The following NKAIN2 variants were observed in gnomAD, a reference collection of about 807,000 sequenced individuals.
The protein encoded by NKAIN2 is sodium/potassium-transporting ATPase subunit beta-1-interacting protein 2.
Under a neutral mutation model 32.6 loss-of-function variants are expected in NKAIN2, and 14 were observed. The observed-to-expected ratio is 0.43, with a 90% CI of 0.28 to 0.67. NKAIN2 has a LOEUF of 0.67. Among genes scored for constraint, NKAIN2 ranks in the 30% least tolerant of loss-of-function variants. The pLI, the probability that NKAIN2 is intolerant of heterozygous loss-of-function variation, is 0.17. For missense variants in NKAIN2, 198 were observed against 258.3 expected (o/e 0.77, Z 1.60); for synonymous variants, 80 against 87.2 (o/e 0.92, Z 0.46).
At chr6:123,811,230 A>G (rs1207624419) in intron 1 of NKAIN2, among the ~76,000 whole-genome samples, 1 of 152,158 alleles carries the variant, frequency 6.6e-6, no homozygotes, top group African/African-American at 2.4e-5. Flanking sequence ...AGTTCTATTC[A>G]GAAGTTTAAA....
At chr6:124,471,235 T>C (rs1395295473) in intron 3 of NKAIN2, among the ~76,000 whole-genome samples, 3 of 152,188 alleles carry the variant, frequency 2.0e-5, no homozygotes, top group African/African-American at 7.2e-5. Flanking sequence ...TATTTTGTTT[T>C]TGGAATTTGA....
Position 124,044,861 on chromosome 6 carries a change from A to G in NKAIN2, c.55-238144A>G, listed in dbSNP as rs1301178902. On this transcript the variant is annotated intron_variant, in intron 1 of 6. Coordinates refer to ENST00000368417, the MANE Select transcript of NKAIN2 (RefSeq NM_001040214.3). ...GAATTTTCTTACTTGCAATAGAGAA[A>G]TAAAATCAGAAAACTTCTTTTTAAT... 2.6e-5 allele frequency among the ~76,000 whole-genome samples: 4 copies of G among 152,074 alleles called. No individual in the cohort carries two copies. In the East Asian group the frequency reaches 7.7e-4, roughly 29 times the overall value.
chr6:124,245,686 G>C (rs999237928), intron 1 of NKAIN2, among the ~76,000 whole-genome samples: 2 of 152,020 alleles, frequency 1.3e-5, no homozygotes, highest in Non-Finnish European at 1.5e-5. Flanking sequence ...GGAGTTGGAC[G>C]AACATTCTAT....
At chr6:124,125,163 T>C (rs1786096153) in intron 1 of NKAIN2, among the ~76,000 whole-genome samples, 1 of 152,172 alleles carries the variant, frequency 6.6e-6, no homozygotes, top group African/African-American at 2.4e-5. Context: ...TAAACAAATG[T>C]ATACAAGAGT....
intron 3 of NKAIN2, among the ~76,000 whole-genome samples, chr6:124,577,912 C>T (rs1284320841): frequency 6.6e-6 from 1 of 152,168 alleles, no homozygotes; most frequent in African/African-American, 2.4e-5. Flanking sequence ...CTGAGGCCCG[C>T]ATTCCAGGCC....
chr6:124,161,711 CAT>C (rs1451368531), intron 1 of NKAIN2, among the ~76,000 whole-genome samples: 2 of 152,054 alleles, frequency 1.3e-5, no homozygotes, highest in African/African-American at 4.8e-5. Context: ...TTTGATACCA[CAT>C]GTTCTCACTT....
intron 4 of NKAIN2, among the ~76,000 whole-genome samples, chr6:124,680,675 C>T (rs1356632384): frequency 1.3e-5 from 2 of 151,996 alleles, no homozygotes; most frequent in Non-Finnish European, 2.9e-5. Context: ...AAGGGAATTA[C>T]AAGACAGCCC....
At position 124,246,377 on chromosome 6, in the gene NKAIN2, A is replaced by G. The variant is rs73563736; in HGVS notation, c.55-36628A>G. Among the ~76,000 whole-genome samples the G allele has an allele frequency of 6.4e-3, 974 of 152,170 alleles. 11 individuals are homozygous for G. The highest frequency in any genetic ancestry group is 0.022 in the African/African-American group (904 of 41,548). On this transcript the variant is annotated intron_variant, in intron 1 of 6. Transcript: ENST00000368417. ...ACCCAACTTGACTCACATCAGCATC[A>G]GTGACCTCCCCAAATCTTCTTGAAG...
chr6:124,103,989 G>C lies in NKAIN2; in HGVS notation c.55-179016G>C, dbSNP rs1158919941. Among the ~76,000 whole-genome samples the C allele has an allele frequency of 3.9e-5, 6 of 152,172 alleles. No individual in the cohort carries two copies. The East Asian group carries it at 1.2e-3, about 29-fold the overall frequency. On this transcript the variant is annotated intron_variant, in intron 1 of 6. Coordinates refer to ENST00000368417, the MANE Select transcript of NKAIN2 (RefSeq NM_001040214.3). ...ATAGTCCCAGTACTCAGGAGGCTGA[G>C]GCGGGACAATGGTGTGAACCTGGGA... is the stretch of plus-strand genomic sequence containing the variant.
At chr6:124,400,310 TGA>T (rs151144659) in intron 3 of NKAIN2, among the ~76,000 whole-genome samples, 6,745 of 152,182 alleles carry the variant, frequency 0.044, 208 homozygotes, top group African/African-American at 0.075. Context: ...TGAAAACCAC[TGA>T]GAGAGATAAG....
intron 1 of NKAIN2, among the ~76,000 whole-genome samples, chr6:123,868,110 T>C (rs538395006): frequency 1.0e-3 from 154 of 152,204 alleles, no homozygotes; most frequent in African/African-American, 3.4e-3. Flanking sequence ...CCTTGTGATC[T>C]GCCCACCTTG....
At chr6:123,921,777 G>A (rs1484869099) in intron 1 of NKAIN2, among the ~76,000 whole-genome samples, 2 of 152,064 alleles carry the variant, frequency 1.3e-5, no homozygotes, top group Non-Finnish European at 2.9e-5. Context: ...TTAGCACTTT[G>A]TGACCACCAT....
At chr6:124,197,759 C>T (rs572110956) in intron 1 of NKAIN2, among the ~76,000 whole-genome samples, 25 of 151,798 alleles carry the variant, frequency 1.6e-4, no homozygotes, top group Admixed American at 1.1e-3. Context: ...TCAATCTCCT[C>T]TCTTACTACC....
At chr6:123,982,113 C>T (rs971791308) in intron 1 of NKAIN2, among the ~76,000 whole-genome samples, 3 of 151,998 alleles carry the variant, frequency 2.0e-5, no homozygotes, top group African/African-American at 7.3e-5. Flanking sequence ...TTTCTTTCCA[C>T]CAAGAAGCCT....
At chr6:124,149,686 T>C (rs1787601437) in intron 1 of NKAIN2, among the ~76,000 whole-genome samples, 1 of 152,196 alleles carries the variant, frequency 6.6e-6, no homozygotes, top group South Asian at 2.1e-4. Flanking sequence ...ACTGTAATGA[T>C]TGTAATGGCT....
At chr6:124,327,409 T>G (rs979987923) in intron 2 of NKAIN2, among the ~76,000 whole-genome samples, 3 of 152,124 alleles carry the variant, frequency 2.0e-5, no homozygotes, top group Non-Finnish European at 4.4e-5. Context: ...TGTCTGCCAA[T>G]TCTCATGTAA....
At chr6:124,402,279 A>C (rs952431952) in intron 3 of NKAIN2, among the ~76,000 whole-genome samples, 1 of 152,168 alleles carries the variant, frequency 6.6e-6, no homozygotes, top group African/African-American at 2.4e-5. Flanking sequence ...AGAAGTCGAT[A>C]AATCTATAGT....
chr6:123,849,775 G>T (rs1190067119), intron 1 of NKAIN2, among the ~76,000 whole-genome samples: 2 of 152,058 alleles, frequency 1.3e-5, no homozygotes, highest in East Asian at 1.9e-4. Flanking sequence ...TCTTGGATTG[G>T]AAGCTGCTTG....
intron 1 of NKAIN2, among the ~76,000 whole-genome samples, chr6:123,883,210 A>C (rs112737152): frequency 0.06 from 9,034 of 151,528 alleles, 575 homozygotes; most frequent in African/African-American, 0.16. Flanking sequence ...AGTGGCGTGA[A>C]CTCGGCTCAC....
Sources: gnomAD v4.1 joint callset for allele counts (sites outside exome capture counted in the v4.1 genomes callset) on GRCh38, gnomAD v4.1.1 for gene constraint, MANE v1.5 for transcripts, NCBI Gene and HGNC (gene_info 2026-07-23, HGNC 2026-07-21) for gene names.